The following KDM5B variants were observed in gnomAD, a reference collection of about 807,000 sequenced individuals.
KDM5B encodes lysine demethylase 5B.
A neutral mutation model predicts 193.4 loss-of-function variants in KDM5B; 144 were observed. The ratio of observed to expected loss-of-function variants is 0.74; its 90% CI spans 0.65 to 0.86. The LOEUF is 0.86. Ranked by LOEUF, KDM5B falls within the 40% of genes least tolerant of loss-of-function variation. The pLI is 0.00. For missense variants in KDM5B, 1,833 were observed against 1,886.9 expected, an observed-to-expected ratio of 0.97 and a Z score of 0.53; for synonymous variants, 668 against 682.6, an observed-to-expected ratio of 0.98 and a Z score of 0.33.
At chr1:202,763,315 A>C (rs1202409834) in intron 6 of KDM5B, among the ~76,000 whole-genome samples, 1 of 152,216 alleles carries the variant, frequency 6.6e-6, no homozygotes, top group African/African-American at 2.4e-5. Context: ...CATTGTGCTC[A>C]ATGCTTTCCA....
chr1:202,730,165 A>T, intron 25 of KDM5B, 138 bp from the exon 26 acceptor site: 1 of 738,096 alleles, frequency 1.4e-6, no homozygotes, highest in South Asian at 2.0e-5. Flanking sequence ...CATCTTAACC[A>T]CTCCCCTCCC....
chr1:202,765,331 G>A (rs1656408054), intron 5 of KDM5B, among the ~76,000 whole-genome samples: 1 of 152,186 alleles, frequency 6.6e-6, no homozygotes, highest in African/African-American at 2.4e-5. Context: ...TTAAAGTGCT[G>A]ATACTTATTG....
At position 202,729,122 on chromosome 1, in the gene KDM5B, A is replaced by T. The variant is rs749040845; in HGVS notation, c.4549T>A (p.Cys1517Ser). Residue 1517 changes from cysteine (C) to serine (S), a missense_variant, in exon 27 of 27, where the codon TGT becomes AGT. By Grantham distance (112) the Cys-to-Ser change is moderately radical. Coordinates refer to ENST00000367265, the MANE Select transcript of KDM5B (RefSeq NM_006618.5). Reference sequence around the variant, plus strand: ...GCCATCTCTGGGGAGACACCAACACAGACCTGATGAAACCACTGATTGCAG... The same window carrying T: ...GCCATCTCTGGGGAGACACCAACACTGACCTGATGAAACCACTGATTGCAG... ...GSCNQWFHQV[C>S]VGVSPEMAEK... 1 of 1,614,138 alleles carries T rather than the reference A, an allele frequency of 6.2e-7. No individual in the cohort carries two copies. The highest frequency in any genetic ancestry group is 8.5e-7 in the Non-Finnish European group (1 of 1,179,992).
At chr1:202,767,491 C>CT (rs1656521028) in intron 4 of KDM5B, 1 of 829,392 alleles carries the variant, frequency 1.2e-6, no homozygotes, top group African/African-American at 1.7e-5. Flanking sequence ...TCACCAAGAC[C>CT]TTTTTTTCAC....
intron 1 of KDM5B, among the ~76,000 whole-genome samples, chr1:202,800,542 G>A (rs1464832916): frequency 6.6e-6 from 1 of 151,820 alleles, no homozygotes; most frequent in East Asian, 1.9e-4. Flanking sequence ...GTCTCACTAT[G>A]TTTCCCAGGC....
At chr1:202,731,405 C>T (rs1442829209) in intron 24 of KDM5B, among the ~76,000 whole-genome samples, 1 of 152,230 alleles carries the variant, frequency 6.6e-6, no homozygotes, top group African/African-American at 2.4e-5. Context: ...ACAGTGTCAA[C>T]AGTCTGAGTA....
chr1:202,784,402 TA>T (rs778240690), intron 1 of KDM5B, among the ~76,000 whole-genome samples: 1 of 152,216 alleles, frequency 6.6e-6, no homozygotes, highest in African/African-American at 2.4e-5. Context: ...TTTAATTGTA[TA>T]TGTTCTATGA....
At position 202,741,706 on chromosome 1, in the gene KDM5B, A is replaced by G. The variant is rs1655347713; in HGVS notation, c.2606T>C (p.Val869Ala). 6.2e-7 allele frequency: 1 copy of G among 1,606,750 alleles called. No individual in the cohort carries two copies. The highest frequency in any genetic ancestry group is 1.1e-5 in the South Asian group (1 of 90,824). The change falls in exon 19 of 27, where the codon GTA (valine) becomes GCA (alanine). Residue 869 changes from valine to alanine, a missense_variant. By Grantham distance (64) the Val-to-Ala change is moderately conservative (BLOSUM62 0). This residue lies in a region of KDM5B where 1,379 missense variants were observed against 1,349.6 expected (regional missense o/e 1.02). Coordinates refer to ENST00000367265, the MANE Select transcript of KDM5B (RefSeq NM_006618.5). ...CTGACTATGCTGTTGAAAATCTTCTACACGATTCAAGAGATCCTAAAAAAA... is the reference window on the plus strand; with the variant it reads ...CTGACTATGCTGTTGAAAATCTTCTGCACGATTCAAGAGATCCTAAAAAAA... ...TPLLKDLLNR[V>A]EDFQQHSQKL...
At chr1:202,774,955 T>A (rs10920479) in intron 2 of KDM5B, among the ~76,000 whole-genome samples, 1 of 152,008 alleles carries the variant, frequency 6.6e-6, no homozygotes, top group Non-Finnish European at 1.5e-5. Context: ...TAATTATACA[T>A]GGCCGGCCGG....
Position 202,758,519 on chromosome 1 carries a change from A to G in KDM5B, c.1078-9T>C, listed in dbSNP as rs1464973439. 4.4e-6 allele frequency: 7 copies of G among 1,599,582 alleles called. No homozygotes were observed. Among genetic ancestry groups the G allele is most frequent in the Non-Finnish European group, 6.0e-6 (7 of 1,169,112 alleles). On this transcript the variant is annotated splice_polypyrimidine_tract_variant and intron_variant, in intron 8 of 26. Transcript: ENST00000367265. The stretch of plus-strand genomic sequence containing the variant: ...TGTGGCTTACTACATTCCTGAAAAT[A>G]AAGAAAATTACGTTCTAGGTGACAC...
Position 202,746,200 on chromosome 1 carries a change from C to T in KDM5B, c.2140G>A (p.Val714Ile), listed in dbSNP as rs548834584. 1 of 1,613,786 alleles carries T rather than the reference C, an allele frequency of 6.2e-7. No homozygotes were observed. Among genetic ancestry groups the T allele is most frequent in the East Asian group, 2.2e-5 (1 of 44,852 alleles). Residue 714 changes from valine to isoleucine, a missense_variant, in exon 15 of 27, where the codon GTT (valine) becomes ATT (isoleucine). Physicochemically the swap from Val to Ile is conservative, Grantham distance 29. This residue lies in a region of KDM5B where 1,379 missense variants were observed against 1,349.6 expected (regional missense o/e 1.02). Coordinates refer to ENST00000367265, the MANE Select transcript of KDM5B (RefSeq NM_006618.5). ...ISCSCKPGLL[V>I]CLHHVKELCS... ...AATTCTTTTACATGATGCAGGCAAACAAGAAGGCCAGGTTTACAAGAACAG... is the reference window on the plus strand; with the variant it reads ...AATTCTTTTACATGATGCAGGCAAATAAGAAGGCCAGGTTTACAAGAACAG...
chr1:202,790,705 G>A (rs1382890849), intron 1 of KDM5B, among the ~76,000 whole-genome samples: 1 of 152,084 alleles, frequency 6.6e-6, no homozygotes, highest in Admixed American at 6.6e-5. Context: ...GGGTGACAGA[G>A]TGAGACTCTG....
chr1:202,735,328 A>G (rs1655050389), intron 22 of KDM5B, 101 bp downstream of exon 22: 2 of 1,274,452 alleles, frequency 1.6e-6, no homozygotes, highest in African/African-American at 1.5e-5. Context: ...GAACGCTTTC[A>G]AGTTACTCTA....
At chr1:202,732,682 T>TG in intron 23 of KDM5B, among the ~76,000 whole-genome samples, 1 of 152,150 alleles carries the variant, frequency 6.6e-6, no homozygotes, top group South Asian at 2.1e-4. Flanking sequence ...CATGTGTCTG[T>TG]GCTCATATGG....
intron 3 of KDM5B, among the ~76,000 whole-genome samples, chr1:202,774,091 G>A (rs551628610): frequency 2.0e-4 from 30 of 152,084 alleles, no homozygotes; most frequent in Non-Finnish European, 3.5e-4. Flanking sequence ...TTCCTTATCT[G>A]TAATAAAAAG....
Position 202,762,788 on chromosome 1 carries a change from T to TA in KDM5B, c.828_829insT (p.Ile277TyrfsTer7). The TA allele has an allele frequency of 6.2e-7, 1 of 1,604,694 alleles. No individual in the cohort carries two copies. The highest frequency in any genetic ancestry group is 8.5e-7 in the Non-Finnish European group (1 of 1,171,456). The stretch of plus-strand genomic sequence containing the variant: ...TTCCTCTCAATAGGTTCTTGCTTGA[T>TA]GCTACTCTTCATTTCTTTCTCTGTA... On this transcript the variant is annotated frameshift_variant, in exon 7 of 27. Transcript: ENST00000367265. LOFTEE classifies it high-confidence loss of function.
At chr1:202,792,413 A>G (rs1454936315) in intron 1 of KDM5B, among the ~76,000 whole-genome samples, 1 of 152,094 alleles carries the variant, frequency 6.6e-6, no homozygotes, top group Non-Finnish European at 1.5e-5. Flanking sequence ...TGAACCCCAG[A>G]ATGACTTTAA....
chr1:202,800,922 A>G (rs185643630), intron 1 of KDM5B, among the ~76,000 whole-genome samples: 10 of 152,348 alleles, frequency 6.6e-5, no homozygotes, highest in African/African-American at 2.2e-4. Context: ...ATTGACTAAA[A>G]CTGAGAAATA....
intron 1 of KDM5B, among the ~76,000 whole-genome samples, chr1:202,777,667 AG>A (rs1657014924): frequency 6.6e-6 from 1 of 151,462 alleles, no homozygotes; most frequent in Non-Finnish European, 1.5e-5. Context: ...TAATTGTTTA[AG>A]GTTTTTTTTA....
Sources: gnomAD v4.1 joint callset for allele counts (sites outside exome capture counted in the v4.1 genomes callset) on GRCh38, gnomAD v4.1.1 for gene constraint, gnomAD v4.1.1 regional missense constraint, MANE v1.5 for transcripts, NCBI Gene and HGNC (gene_info 2026-07-23, HGNC 2026-07-21) for gene names.